The following KBTBD11 variants were observed in gnomAD, a reference collection of about 807,000 sequenced individuals.
The protein encoded by KBTBD11 is kelch repeat and BTB domain containing 11, also known as kelch repeat and BTB domain-containing protein 11.
For missense variants in KBTBD11, 1,390 were observed against 1,001.8 expected (o/e 1.39, Z -5.23); for synonymous variants, 747 against 499.0 (o/e 1.50, Z -6.63).
At chr8:1,999,151 CAGAG>C (rs753401299) in intron 1 of KBTBD11, among the ~76,000 whole-genome samples, 20 of 152,248 alleles carry the variant, frequency 1.3e-4, no homozygotes, top group East Asian at 5.8e-4. Flanking sequence ...ATCTGGAAGA[CAGAG>C]GGAGAGAGAG....
At position 1,974,305 on chromosome 8, in the gene KBTBD11, T is replaced by G. The variant is rs1432509029; in HGVS notation, c.-909+370T>G. 4 of 983,810 alleles carry G rather than the reference T, an allele frequency of 4.1e-6. No homozygotes were observed. In the East Asian group the frequency reaches 3.5e-4, roughly 85 times the overall value. 60.9% of individuals were successfully genotyped at this position (983,810 alleles called of 1,614,324 possible). A position where few individuals can be genotyped will look rare whatever the true frequency, so the allele number is the denominator to read the frequency against. ...CGCGGCAACCCCGGCCGGAAGACAA[T>G]GAGCCGCCCGCGCCGCGCCCGCAGT... On this transcript the variant is annotated intron_variant, in intron 1 of 1. Coordinates refer to ENST00000320248, the MANE Select transcript of KBTBD11 (RefSeq NM_014867.3).
rs1040617022 is a variant in KBTBD11, at chr8:1,974,159, A to C, written c.-909+224A>C. 1.8e-4 allele frequency among the ~76,000 whole-genome samples: 5 copies of C among 27,880 alleles called. No individual in the cohort carries two copies. The Admixed American group carries it at 2.6e-3, about 14-fold the overall frequency. The allele number at this position is 27,880 out of a possible 152,430, so 18.3% of individuals were successfully genotyped here. A position where few individuals can be genotyped will look rare whatever the true frequency, so the allele number is the denominator to read the frequency against. ...GGAGGGGAGGGGGGACCGGGAGAGG[A>C]GGGGGCAGCGCTGCCCGCGGCGGGG... On this transcript the variant is annotated intron_variant, in intron 1 of 1. Coordinates refer to ENST00000320248, the MANE Select transcript of KBTBD11 (RefSeq NM_014867.3).
chr8:1,991,313 T>A (rs1306726251), intron 1 of KBTBD11, among the ~76,000 whole-genome samples: 1 of 152,210 alleles, frequency 6.6e-6, no homozygotes, highest in Admixed American at 6.5e-5. Flanking sequence ...AGGCGTTTGC[T>A]TTTAGGTAAA....
intron 1 of KBTBD11, among the ~76,000 whole-genome samples, chr8:1,985,721 A>G (rs1261297727): frequency 6.6e-6 from 1 of 152,232 alleles, no homozygotes; most frequent in African/African-American, 2.4e-5. Flanking sequence ...GCGCTTTGGG[A>G]GTCCCAGGCT....
At chr8:1,985,211 C>T (rs931320338) in intron 1 of KBTBD11, among the ~76,000 whole-genome samples, 5 of 152,248 alleles carry the variant, frequency 3.3e-5, no homozygotes, top group Admixed American at 2.6e-4. Context: ...AGAGCTCTTA[C>T]AGGAGAGCAC....
chr8:1,993,683 A>T (rs1817020486), intron 1 of KBTBD11, among the ~76,000 whole-genome samples: 1 of 151,902 alleles, frequency 6.6e-6, no homozygotes, highest in Admixed American at 6.6e-5. Context: ...AAGGGATGAC[A>T]CATACACCTC....
rs373344820 is a variant in KBTBD11 at position 1,990,894 on chromosome 8, G to T, written c.-908-9391G>T. Among the ~76,000 whole-genome samples the T allele has an allele frequency of 4.7e-3, 5 of 1,070 alleles. 1 individual carries two copies. Among genetic ancestry groups the T allele is most frequent in the African/African-American group, 0.016 (1 of 62 alleles). 0.7% of individuals were successfully genotyped at this position (1,070 alleles called of 152,430 possible). A position where few individuals can be genotyped will look rare whatever the true frequency, so the allele number is the denominator to read the frequency against. ...CTGCGGGGCCTTGGCGCCCTGTCCG[G>T]GTAGGTGCTGCGGGGCCTTGGCGCC... On this transcript the variant is annotated intron_variant, in intron 1 of 1. Transcript: ENST00000320248.
chr8:1,978,745 C>G (rs11776183), intron 1 of KBTBD11, among the ~76,000 whole-genome samples: 113,699 of 151,842 alleles, frequency 0.75, 42,753 homozygotes, highest in South Asian at 0.85. Context: ...TTCATCCATG[C>G]GGCATGTTTG....
At chr8:1,992,766 T>C (rs944459629) in intron 1 of KBTBD11, among the ~76,000 whole-genome samples, 2 of 152,108 alleles carry the variant, frequency 1.3e-5, no homozygotes, top group Non-Finnish European at 2.9e-5. Flanking sequence ...CAGCATTTTA[T>C]TTAGGAGATT....
chr8:1,977,992 A>C (rs900183534), intron 1 of KBTBD11, among the ~76,000 whole-genome samples: 1 of 152,186 alleles, frequency 6.6e-6, no homozygotes, highest in Admixed American at 6.5e-5. Flanking sequence ...GGCTTAAAAC[A>C]ATAGCATTTA....
intron 1 of KBTBD11, among the ~76,000 whole-genome samples, chr8:1,997,402 GAA>G (rs57378017): frequency 2.1e-5 from 3 of 139,994 alleles, no homozygotes; most frequent in South Asian, 2.3e-4. Flanking sequence ...GGTCATTCTG[GAA>G]AAAAAAAAAA....
At chr8:1,993,400 T>TCCAC (rs1816995129) in intron 1 of KBTBD11, among the ~76,000 whole-genome samples, 1 of 89,546 alleles carries the variant, frequency 1.1e-5, no homozygotes, top group Non-Finnish European at 2.8e-5. Flanking sequence ...CGTCCATCCA[T>TCCAC]CCATCCATCC....
At position 2,002,943 on chromosome 8, in the gene KBTBD11, ACGCAGGCCAGGGCGGCGG is replaced by A; in HGVS notation, c.1753_1770del (p.Ala585_Gly590del). On this transcript the variant is annotated inframe_deletion, in exon 2 of 2. Transcript: ENST00000320248. The surrounding 1 kb of genome is among the most constrained non-coding windows in gnomAD (Gnocchi z 4.1). Reference sequence around the variant, plus strand: ...GCCCGGGAAGGCGAGGCCGGCGGCGACGCAGGCCAGGGCGGCGGCTTCGAGGCGCTGGGCGCCCCCTTG... The same window carrying A: ...GCCCGGGAAGGCGAGGCCGGCGGCGACTTCGAGGCGCTGGGCGCCCCCTTG... The A allele has an allele frequency of 2.3e-6, 3 of 1,321,118 alleles. No homozygotes were observed. The highest frequency in any genetic ancestry group is 2.9e-6 in the Non-Finnish European group (3 of 1,037,870). 81.8% of individuals were successfully genotyped at this position (1,321,118 alleles called of 1,614,324 possible).
At chr8:1,974,825 T>A (rs1816273485) in intron 1 of KBTBD11, 1 of 385,126 alleles carries the variant, frequency 2.6e-6, no homozygotes, top group African/African-American at 2.2e-5. Context: ...CACTCCAGTG[T>A]CTATTCTAAG....
At chr8:1,981,470 C>T (rs1816538598) in intron 1 of KBTBD11, among the ~76,000 whole-genome samples, 1 of 152,170 alleles carries the variant, frequency 6.6e-6, no homozygotes. Context: ...ACTATTAAAA[C>T]AGTAAAAGAT....
chr8:1,985,337 C>G (rs1219850743), intron 1 of KBTBD11, among the ~76,000 whole-genome samples: 2 of 152,272 alleles, frequency 1.3e-5, no homozygotes, highest in African/African-American at 4.8e-5. Context: ...GGCAGCCTGC[C>G]TGACCTGGCC....
chr8:2,004,123 A>G lies in KBTBD11; in HGVS notation c.*1059A>G, dbSNP rs1389192109. Reference sequence around the variant, plus strand: ...AGTATTCTAAGTGTGGCCGAGTGACAGTGGGCATAGATTTATAACAAGGAA... The same window carrying G: ...AGTATTCTAAGTGTGGCCGAGTGACGGTGGGCATAGATTTATAACAAGGAA... On this transcript the variant is annotated 3_prime_UTR_variant, in exon 2 of 2. Transcript: ENST00000320248. 1 of 166,998 alleles carries G rather than the reference A, an allele frequency of 6.0e-6. No individual in the cohort carries two copies. Among genetic ancestry groups the G allele is most frequent in the Non-Finnish European group, 1.5e-5 (1 of 68,130 alleles). The allele number at this position is 166,998 out of a possible 1,614,324, so 10.3% of individuals were successfully genotyped here.
At chr8:1,996,426 C>T (rs999359541) in intron 1 of KBTBD11, among the ~76,000 whole-genome samples, 1 of 152,094 alleles carries the variant, frequency 6.6e-6, no homozygotes, top group Non-Finnish European at 1.5e-5. Context: ...GCCACCAAGC[C>T]CGGCTGATTT....
chr8:1,982,483 T>C (rs774809128), intron 1 of KBTBD11, among the ~76,000 whole-genome samples: 1 of 144,446 alleles, frequency 6.9e-6, no homozygotes, highest in East Asian at 2.2e-4. Context: ...AAAAAACATA[T>C]AAGACCCCAC....
Sources: gnomAD v4.1 joint callset for allele counts (sites outside exome capture counted in the v4.1 genomes callset) on GRCh38, gnomAD v4.1.1 for gene constraint, Gnocchi (gnomAD v3.1) non-coding constraint, MANE v1.5 for transcripts, NCBI Gene and HGNC (gene_info 2026-07-23, HGNC 2026-07-21) for gene names.